The following FNDC3B variants were observed in gnomAD, a reference collection of about 807,000 sequenced individuals.
FNDC3B encodes the protein fibronectin type III domain-containing protein 3B.
In FNDC3B, 12 loss-of-function variants were observed where a neutral mutation model predicts 151.5. The ratio of observed to expected loss-of-function variants is 0.08; its 90% confidence interval spans 0.05 to 0.13. FNDC3B has a LOEUF of 0.13. Among genes scored for constraint, FNDC3B ranks in the 10% least tolerant of loss-of-function variants. The pLI is 1.00. For missense variants in FNDC3B, 1,214 were observed against 1,505.3 expected (o/e 0.81, Z 3.20); for synonymous variants, 528 against 549.0 (o/e 0.96, Z 0.54).
chr3:172,393,037 A>G (rs1009010525), intron 25 of FNDC3B, among the ~76,000 whole-genome samples: 2 of 151,960 alleles, frequency 1.3e-5, no homozygotes, highest in Middle Eastern at 6.3e-3. Context: ...TCCTGACCTC[A>G]GGTGATCCAC....
chr3:172,361,277 G>A (rs955681401), intron 22 of FNDC3B, among the ~76,000 whole-genome samples: 2 of 152,062 alleles, frequency 1.3e-5, no homozygotes, highest in Non-Finnish European at 2.9e-5. Context: ...CTACCACATG[G>A]CCAGGCTGCA....
At chr3:172,329,237 T>G (rs1732514161) in intron 12 of FNDC3B, 161 bp downstream of exon 12, 1 of 802,964 alleles carries the variant, frequency 1.2e-6, no homozygotes, top group African/African-American at 1.7e-5. Flanking sequence ...AGGCCTCCTT[T>G]AAGCTGGTGA....
At chr3:172,181,010 T>A (rs761045666) in intron 3 of FNDC3B, among the ~76,000 whole-genome samples, 1 of 152,226 alleles carries the variant, frequency 6.6e-6, no homozygotes, top group Non-Finnish European at 1.5e-5. Flanking sequence ...AGAAGCTGGC[T>A]TTCTTAATAA....
At chr3:172,095,799 A>G (rs1482127742) in intron 1 of FNDC3B, among the ~76,000 whole-genome samples, 2 of 141,598 alleles carry the variant, frequency 1.4e-5, no homozygotes. Flanking sequence ...AAAAAAACAA[A>G]CAAACAAACA....
chr3:172,202,780 C>T (rs1725223274), intron 3 of FNDC3B, among the ~76,000 whole-genome samples: 1 of 152,158 alleles, frequency 6.6e-6, no homozygotes, highest in Non-Finnish European at 1.5e-5. Flanking sequence ...GAAGAGATTG[C>T]CTGAAAGCAC....
At chr3:172,157,933 C>T (rs1722577987) in intron 3 of FNDC3B, among the ~76,000 whole-genome samples, 1 of 152,098 alleles carries the variant, frequency 6.6e-6, no homozygotes, top group African/African-American at 2.4e-5. Context: ...CCTTTGGGGG[C>T]TGATTTTATC....
chr3:172,305,178 C>T (rs1194488993), intron 9 of FNDC3B, among the ~76,000 whole-genome samples: 2 of 152,170 alleles, frequency 1.3e-5, no homozygotes, highest in Non-Finnish European at 2.9e-5. Flanking sequence ...CATATTATTT[C>T]ACCTATAAAC....
At chr3:172,065,127 T>C (rs1001385564) in intron 1 of FNDC3B, among the ~76,000 whole-genome samples, 10 of 151,998 alleles carry the variant, frequency 6.6e-5, no homozygotes, top group African/African-American at 2.4e-4. Context: ...AGGTCAGGAG[T>C]TCGAGACCAG....
chr3:172,226,395 C>T (rs1487816503), intron 3 of FNDC3B, among the ~76,000 whole-genome samples: 1 of 151,758 alleles, frequency 6.6e-6, no homozygotes, highest in Non-Finnish European at 1.5e-5. Context: ...CAAATTATGG[C>T]ATATTACAGT....
At chr3:172,355,516 AGGG>A (rs35691130) in intron 22 of FNDC3B, among the ~76,000 whole-genome samples, 3 of 151,086 alleles carry the variant, frequency 2.0e-5, no homozygotes, top group African/African-American at 7.3e-5. Flanking sequence ...TAGAAAATCT[AGGG>A]GGGGGGCCTA....
chr3:172,056,949 T>C (rs1027689156), intron 1 of FNDC3B, among the ~76,000 whole-genome samples: 4 of 152,182 alleles, frequency 2.6e-5, no homozygotes, highest in Non-Finnish European at 5.9e-5. Context: ...AAATAATATA[T>C]ATCAAAAGCA....
intron 3 of FNDC3B, among the ~76,000 whole-genome samples, chr3:172,171,467 G>A (rs113060716): frequency 0.016 from 2,396 of 152,188 alleles, 25 homozygotes; most frequent in South Asian, 0.026. Context: ...AAAGAATGGG[G>A]TATCTTTTTA....
intron 24 of FNDC3B, among the ~76,000 whole-genome samples, chr3:172,379,230 A>G (rs2108369472): frequency 6.6e-6 from 1 of 152,294 alleles, no homozygotes; most frequent in African/African-American, 2.4e-5. Flanking sequence ...TCCTGCAAAT[A>G]CTGTGGTTCT....
intron 3 of FNDC3B, among the ~76,000 whole-genome samples, chr3:172,207,119 C>T (rs1725473934): frequency 6.6e-6 from 1 of 151,992 alleles, no homozygotes; most frequent in African/African-American, 2.4e-5. Context: ...CTGAATGACA[C>T]CTAAGATCAT....
intron 6 of FNDC3B, among the ~76,000 whole-genome samples, chr3:172,256,025 G>T (rs1728320855): frequency 2.0e-5 from 3 of 152,246 alleles, no homozygotes; most frequent in Admixed American, 2.0e-4. Context: ...TGTGACTACA[G>T]TTAAATAGAT....
rs116789885 is a variant in FNDC3B, at chr3:172,234,597, A to C, written c.264+7650A>C. On this transcript the variant is annotated intron_variant, in intron 4 of 25. Transcript: ENST00000415807. ...ATTACCAAAGCAGTGTGGCACACTT[A>C]TTGACATTTAGCATTTTATTGACTA... Among the ~76,000 whole-genome samples the C allele has an allele frequency of 2.2e-3, 340 of 152,344 alleles. 2 individuals are homozygous for C. The highest frequency in any genetic ancestry group is 8.0e-3 in the African/African-American group (333 of 41,582).
intron 11 of FNDC3B, among the ~76,000 whole-genome samples, chr3:172,312,860 G>A (rs1274880219): frequency 6.6e-6 from 1 of 152,166 alleles, no homozygotes. Context: ...TGAAGTGAGA[G>A]TGTCGTAGCT....
intron 1 of FNDC3B, among the ~76,000 whole-genome samples, chr3:172,089,816 G>T (rs1718717690): frequency 6.6e-6 from 1 of 152,076 alleles, no homozygotes; most frequent in Admixed American, 6.6e-5. Flanking sequence ...ATGTATCTAG[G>T]GTCTGCACCG....
chr3:172,131,918 T>C (rs1297411574), intron 2 of FNDC3B, among the ~76,000 whole-genome samples: 1 of 152,238 alleles, frequency 6.6e-6, no homozygotes, highest in Admixed American at 6.5e-5. Context: ...TCAGTGAAAG[T>C]AGTTATTGAG....
Sources: gnomAD v4.1 joint callset for allele counts (sites outside exome capture counted in the v4.1 genomes callset) on GRCh38, gnomAD v4.1.1 for gene constraint, MANE v1.5 for transcripts, NCBI Gene and HGNC (gene_info 2026-07-23, HGNC 2026-07-21) for gene names.